Variants in DIS3L2 observed in about 807,000 individuals in gnomAD.
DIS3L2 encodes the protein DIS3 like 3'-5' exoribonuclease 2, also known as DIS3-like exonuclease 2.
A neutral mutation model predicts 97.5 loss-of-function variants in DIS3L2; 34 were observed. The ratio of observed to expected loss-of-function variants is 0.35; its 90% CI spans 0.27 to 0.46. DIS3L2 has a LOEUF of 0.46. Among genes scored for constraint, DIS3L2 ranks in the 20% least tolerant of loss-of-function variants. The probability of loss-of-function intolerance (pLI) is 1.00; values close to 1 mark genes in which losing one functional copy is unlikely to be tolerated. For synonymous variants in DIS3L2, 435 were observed against 445.2 expected, an observed-to-expected ratio of 0.98 and a Z score of 0.29; for missense variants, 1,038 against 1,146.0, an observed-to-expected ratio of 0.91 and a Z score of 1.36.
chr2:232,095,092 T>C (rs1696967465), intron 6 of DIS3L2, among the ~76,000 whole-genome samples: 1 of 152,190 alleles, frequency 6.6e-6, no homozygotes, highest in African/African-American at 2.4e-5. Context: ...TTGCATCTTG[T>C]TTTTTCATCC....
chr2:232,005,777 T>TA (rs969112876), intron 1 of DIS3L2, among the ~76,000 whole-genome samples: 5 of 152,220 alleles, frequency 3.3e-5, no homozygotes, highest in African/African-American at 1.2e-4. Flanking sequence ...TTTCCCAACT[T>TA]ACTATTTTCA....
At chr2:232,155,815 C>A (rs897065801) in intron 8 of DIS3L2, among the ~76,000 whole-genome samples, 3 of 151,930 alleles carry the variant, frequency 2.0e-5, no homozygotes, top group African/African-American at 4.8e-5. Context: ...ATGGTGAAAC[C>A]CCGTCTCTAC....
chr2:232,155,509 A>G (rs1166937855), intron 8 of DIS3L2, among the ~76,000 whole-genome samples: 1 of 151,624 alleles, frequency 6.6e-6, no homozygotes, highest in Non-Finnish European at 1.5e-5. Context: ...AAATCCAGTA[A>G]CTCCACTAGA....
intron 5 of DIS3L2, among the ~76,000 whole-genome samples, chr2:232,055,208 T>C (rs2106268637): frequency 1.3e-5 from 2 of 152,358 alleles, no homozygotes; most frequent in South Asian, 4.1e-4. Flanking sequence ...ATCATTACTT[T>C]TATTCCATGT....
intron 6 of DIS3L2, among the ~76,000 whole-genome samples, chr2:232,102,061 T>C (rs953166799): frequency 3.9e-5 from 6 of 152,216 alleles, no homozygotes; most frequent in African/African-American, 4.8e-5. Flanking sequence ...GCATCATTAA[T>C]TGGGATAGTC....
chr2:232,049,942 A>C (rs1656433782), intron 5 of DIS3L2, among the ~76,000 whole-genome samples: 1 of 152,034 alleles, frequency 6.6e-6, no homozygotes. Flanking sequence ...CTTTTCTTTC[A>C]TGCTCCTGTT....
intron 8 of DIS3L2, among the ~76,000 whole-genome samples, chr2:232,155,126 C>T (rs981894566): frequency 1.2e-4 from 18 of 150,060 alleles, no homozygotes; most frequent in East Asian, 3.9e-4. Flanking sequence ...GAGATGAACC[C>T]GGTACCTCAG....
chr2:232,201,109 A>T (rs1396257919), intron 9 of DIS3L2, among the ~76,000 whole-genome samples: 3 of 152,192 alleles, frequency 2.0e-5, no homozygotes, highest in African/African-American at 7.2e-5. Context: ...TATTCACATG[A>T]TCTCTAAGTC....
intron 13 of DIS3L2, among the ~76,000 whole-genome samples, chr2:232,270,771 T>A (rs1312338682): frequency 6.6e-6 from 1 of 152,272 alleles, no homozygotes; most frequent in Non-Finnish European, 1.5e-5. Flanking sequence ...TTCAGTAGTA[T>A]GTGAATCAGG....
chr2:232,133,328 A>G (rs912367955), intron 7 of DIS3L2, among the ~76,000 whole-genome samples: 13 of 152,190 alleles, frequency 8.5e-5, no homozygotes, highest in African/African-American at 3.1e-4. Flanking sequence ...CCAAGATAGC[A>G]CTGCAAAGGC....
chr2:232,121,827 A>G (rs1288317445), intron 6 of DIS3L2, among the ~76,000 whole-genome samples: 2 of 151,640 alleles, frequency 1.3e-5, no homozygotes, highest in African/African-American at 4.8e-5. Flanking sequence ...CCCACACCCT[A>G]CTCTACCTCA....
At chr2:232,210,791 C>A (rs1293439615) in intron 10 of DIS3L2, among the ~76,000 whole-genome samples, 1 of 151,032 alleles carries the variant, frequency 6.6e-6, no homozygotes, top group Non-Finnish European at 1.5e-5. Context: ...GAATTTAACA[C>A]CAAATAACGT....
intron 6 of DIS3L2, among the ~76,000 whole-genome samples, chr2:232,128,253 C>CATG (rs1698122642): frequency 3.3e-5 from 5 of 151,744 alleles, no homozygotes; most frequent in Non-Finnish European, 7.4e-5. Flanking sequence ...AACATGCCCA[C>CATG]CCTATAATTT....
chr2:232,144,806 A>C (rs1311984808), intron 8 of DIS3L2, among the ~76,000 whole-genome samples: 1 of 152,138 alleles, frequency 6.6e-6, no homozygotes, highest in Admixed American at 6.5e-5. Context: ...TACACTTTTA[A>C]AGAGTACTGG....
At chr2:232,158,306 CGTGTGTGTGTGTGTGTGT>C (rs111880090) in intron 8 of DIS3L2, among the ~76,000 whole-genome samples, 5,333 of 150,582 alleles carry the variant, frequency 0.035, 138 homozygotes, top group African/African-American at 0.059. Flanking sequence ...TCCTTTATAT[CGTGTGTGTGTGTGTGTGT>C]GTGTGTGTGT....
At position 231,985,784 on chromosome 2, in the gene DIS3L2, C is replaced by T. The variant is rs546492224; in HGVS notation, c.-94+24019C>T. Reference sequence around the variant, plus strand: ...AGAATTAAGGATATTTTCTTACATACTGTGATGGTTAATATTAGGTGTCAA... The same window carrying T: ...AGAATTAAGGATATTTTCTTACATATTGTGATGGTTAATATTAGGTGTCAA... On this transcript the variant is annotated intron_variant, in intron 1 of 20. Coordinates refer to ENST00000325385, the MANE Select transcript of DIS3L2 (RefSeq NM_152383.5). 9.9e-5 allele frequency among the ~76,000 whole-genome samples: 15 copies of T among 152,262 alleles called. No individual in the cohort carries two copies. In the South Asian group the frequency reaches 2.9e-3, roughly 29 times the overall value.
chr2:232,094,619 G>A (rs958531998), intron 6 of DIS3L2, among the ~76,000 whole-genome samples: 2 of 150,610 alleles, frequency 1.3e-5, no homozygotes, highest in African/African-American at 4.9e-5. Context: ...CTGGGGAGGT[G>A]GAAGTGGGAG....
chr2:231,987,424 G>A (rs1434431476), intron 1 of DIS3L2, among the ~76,000 whole-genome samples: 2 of 152,218 alleles, frequency 1.3e-5, no homozygotes, highest in African/African-American at 2.4e-5. Context: ...TTAATGAAGC[G>A]TGCACAAAGG....
rs759646382 is a variant in DIS3L2, at chr2:232,334,435, G to A, written c.2225G>A (p.Arg742His). ...LQKQADHCND[R>H]RMASKRVQEL... ...AAACAGGCGGACCACTGTAACGACCGCCGCATGGCGTCCAAGCGCGTGCAG... is the reference window on the plus strand; with the variant it reads ...AAACAGGCGGACCACTGTAACGACCACCGCATGGCGTCCAAGCGCGTGCAG... The change falls in exon 18 of 21, where the codon CGC (arginine) becomes CAC (histidine). Residue 742 changes from arginine to histidine, a missense_variant. By Grantham distance (29) the Arg-to-His change is conservative. Transcript: ENST00000325385. 6.2e-6 allele frequency: 10 copies of A among 1,613,740 alleles called. No individual in the cohort carries two copies. Among genetic ancestry groups the A allele is most frequent in the East Asian group, 2.2e-5 (1 of 44,896 alleles).
Sources: allele counts gnomAD v4.1 joint callset (sites outside exome capture counted in the v4.1 genomes callset), GRCh38; gene constraint gnomAD v4.1.1; transcripts MANE v1.5; gene names NCBI Gene and HGNC (gene_info 2026-07-23, HGNC 2026-07-21).